ACTR3C: variants seen among roughly 807,000 people sequenced by gnomAD.
ACTR3C encodes the protein actin related protein 3C.
Under a neutral mutation model 26.3 loss-of-function variants are expected in ACTR3C, and 18 were observed. The observed-to-expected ratio is 0.68, with a 90% CI of 0.47 to 1.01. The LOEUF (loss-of-function observed/expected upper bound fraction) is 1.01. ACTR3C is among the 50% of genes least tolerant of loss of function. The pLI, the probability that ACTR3C is intolerant of heterozygous loss-of-function variation, is 0.00. For synonymous variants in ACTR3C, 55 were observed against 94.5 expected (o/e 0.58, Z 2.42); for missense variants, 184 against 250.7 (o/e 0.73, Z 1.80).
At chr7:150,317,209 C>T (rs371194006) in intron 1 of ACTR3C, among the ~76,000 whole-genome samples, 20 of 151,922 alleles carry the variant, frequency 1.3e-4, no homozygotes, top group East Asian at 1.2e-3. Context: ...GCAGCATGCC[C>T]GGCTAATTTT....
the ACTR3C span, among the ~76,000 whole-genome samples, chr7:149,943,597 G>A: frequency 2.0e-5 from 3 of 151,920 alleles, no homozygotes; most frequent in African/African-American, 7.3e-5. Context: ...GCATGGTGGT[G>A]CATACCTGTA....
At chr7:150,166,084 G>C in the ACTR3C span, among the ~76,000 whole-genome samples, 1 of 151,692 alleles carries the variant, frequency 6.6e-6, no homozygotes, top group Non-Finnish European at 1.5e-5. Flanking sequence ...AAGGTGATTA[G>C]ATAAGCGCAC....
the ACTR3C span, among the ~76,000 whole-genome samples, chr7:150,112,944 TA>T: frequency 6.8e-4 from 104 of 152,280 alleles, no homozygotes; most frequent in Non-Finnish European, 1.0e-3. Context: ...TCTCATAAAT[TA>T]TATCAGTTTC....
the ACTR3C span, among the ~76,000 whole-genome samples, chr7:150,052,081 G>C: frequency 6.6e-6 from 1 of 151,802 alleles, no homozygotes; most frequent in Non-Finnish European, 1.5e-5. Flanking sequence ...CTGAAGGAAG[G>C]TCTTCCCTAA....
chr7:150,136,659 G>C, the ACTR3C span, among the ~76,000 whole-genome samples: 64 of 141,964 alleles, frequency 4.5e-4, no homozygotes, highest in Non-Finnish European at 7.5e-4. Context: ...AACAGAGTGA[G>C]ACTCCATCTC....
At chr7:150,206,959 G>A in the ACTR3C span, among the ~76,000 whole-genome samples, 2 of 152,148 alleles carry the variant, frequency 1.3e-5, no homozygotes, top group Non-Finnish European at 1.5e-5. Flanking sequence ...GGGAAGTAAA[G>A]CTTCAGAGTT....
the ACTR3C span, among the ~76,000 whole-genome samples, chr7:150,043,961 C>A: frequency 6.6e-6 from 1 of 152,128 alleles, no homozygotes; most frequent in Non-Finnish European, 1.5e-5. Context: ...GAAGACATAG[C>A]GGATGATGAA....
At chr7:150,185,700 T>C in the ACTR3C span, among the ~76,000 whole-genome samples, 1 of 151,430 alleles carries the variant, frequency 6.6e-6, no homozygotes, top group Non-Finnish European at 1.5e-5. Context: ...CCCTCTCTCC[T>C]AAGATGAGCA....
At chr7:150,198,741 C>T in the ACTR3C span, among the ~76,000 whole-genome samples, 13 of 143,030 alleles carry the variant, frequency 9.1e-5, no homozygotes, top group Non-Finnish European at 1.7e-4. Context: ...CCACCCCGTC[C>T]GGGAGGGAGG....
the ACTR3C span, among the ~76,000 whole-genome samples, chr7:150,179,750 CA>C: frequency 6.6e-6 from 1 of 151,768 alleles, no homozygotes; most frequent in East Asian, 1.9e-4. Context: ...CTTGGCCTAC[CA>C]AAGTGCTGGG....
the ACTR3C span, among the ~76,000 whole-genome samples, chr7:150,159,802 GT>G: frequency 1.3e-4 from 19 of 150,620 alleles, no homozygotes; most frequent in African/African-American, 4.2e-4. Flanking sequence ...TTGTTTGTTT[GT>G]TTTTTTGTTT....
the ACTR3C span, among the ~76,000 whole-genome samples, chr7:150,207,593 G>C: frequency 6.6e-6 from 1 of 151,338 alleles, no homozygotes; most frequent in African/African-American, 2.5e-5. Context: ...ACACGTAACT[G>C]TGTAGCACAA....
At chr7:150,285,306 T>C (rs1054302077) in intron 5 of ACTR3C, among the ~76,000 whole-genome samples, 1 of 152,356 alleles carries the variant, frequency 6.6e-6, no homozygotes, top group South Asian at 2.1e-4. Context: ...GGAAGTGTTT[T>C]GTTTAATGAG....
At chr7:150,292,500 ATTT>A (rs571206179) in intron 3 of ACTR3C, among the ~76,000 whole-genome samples, 4 of 138,214 alleles carry the variant, frequency 2.9e-5, no homozygotes, top group African/African-American at 5.5e-5. Flanking sequence ...TGGCTTTTAA[ATTT>A]TTTTTTTTTT....
the ACTR3C span, among the ~76,000 whole-genome samples, chr7:150,093,294 TA>T: frequency 6.6e-6 from 1 of 151,226 alleles, no homozygotes; most frequent in Non-Finnish European, 1.5e-5. Flanking sequence ...TGTGCATTTT[TA>T]ATGCTTGATC....
intron 6 of ACTR3C, among the ~76,000 whole-genome samples, chr7:150,275,368 C>T (rs944380151): frequency 3.3e-5 from 5 of 152,212 alleles, no homozygotes; most frequent in African/African-American, 1.2e-4. Flanking sequence ...ACATATCTAT[C>T]CACCTATTTA....
chr7:149,887,260 G>A, the ACTR3C span, among the ~76,000 whole-genome samples: 877 of 152,250 alleles, frequency 5.8e-3, 8 homozygotes, highest in African/African-American at 0.02. Context: ...AGATAAATGA[G>A]CAAATGACAC....
the ACTR3C span, among the ~76,000 whole-genome samples, chr7:150,036,993 TCCG>T: frequency 1.6e-4 from 7 of 44,068 alleles, 1 homozygote; most frequent in East Asian, 9.7e-4. Context: ...GGGGGGTGCC[TCCG>T]CCCCCCTGCG....
the ACTR3C span, among the ~76,000 whole-genome samples, chr7:149,966,537 G>A: frequency 6.6e-6 from 1 of 152,082 alleles, no homozygotes; most frequent in African/African-American, 2.4e-5. Context: ...ATGAAATCAG[G>A]GTAGATAGTG....
Sources: allele counts gnomAD v4.1 joint callset (sites outside exome capture counted in the v4.1 genomes callset), GRCh38; gene constraint gnomAD v4.1.1; transcripts MANE v1.5; gene names NCBI Gene and HGNC (gene_info 2026-07-23, HGNC 2026-07-21).